The following KMT2A variants were observed in gnomAD, a reference collection of about 807,000 sequenced individuals.
KMT2A encodes lysine methyltransferase 2A, also known as histone-lysine N-methyltransferase 2A.
A neutral mutation model predicts 345.3 loss-of-function variants in KMT2A; 16 were observed. That is an observed-to-expected ratio of 0.05 (90% CI 0.03 to 0.07). The LOEUF is 0.07. KMT2A is among the 10% of genes least tolerant of loss of function. The pLI, the probability that KMT2A is intolerant of heterozygous loss-of-function variation, is 1.00. For synonymous variants in KMT2A, 1,599 were observed against 1,778.6 expected (o/e 0.90, Z 2.54); for missense variants, 3,272 against 4,841.6 (o/e 0.68, Z 9.62).
chr11:118,507,240 T>A (rs528399568), intron 27 of KMT2A, among the ~76,000 whole-genome samples: 1 of 152,138 alleles, frequency 6.6e-6, no homozygotes, highest in East Asian at 1.9e-4. Flanking sequence ...AGAGGCTAAA[T>A]GATCCATGGT....
At chr11:118,509,896 G>A in intron 29 of KMT2A, 52 bp from the exon 30 acceptor site, 1 of 1,345,284 alleles carries the variant, frequency 7.4e-7, no homozygotes, top group Non-Finnish European at 1.0e-6. Context: ...CATGTAGTCA[G>A]TGCTCAGTGA....
chr11:118,454,272 C>T (rs890487815), intron 1 of KMT2A, among the ~76,000 whole-genome samples: 6 of 152,310 alleles, frequency 3.9e-5, no homozygotes, highest in African/African-American at 1.2e-4. Context: ...CAAAGCCACA[C>T]GTAAGCTGGC....
chr11:118,507,247 T>A (rs1167882589), intron 27 of KMT2A, among the ~76,000 whole-genome samples: 1 of 152,120 alleles, frequency 6.6e-6, no homozygotes, highest in Non-Finnish European at 1.5e-5. Flanking sequence ...AAATGATCCA[T>A]GGTCATGTCA....
rs201363598 is a variant in KMT2A at position 118,521,830 on chromosome 11, G to A, written c.11644-67G>A. 149 of 1,518,156 alleles carry A rather than the reference G, an allele frequency of 9.8e-5. No homozygotes were observed. The highest frequency in any genetic ancestry group is 6.6e-4 in the Admixed American group (38 of 57,732). The allele number at this position is 1,518,156 out of a possible 1,614,324, so 94.0% of individuals were successfully genotyped here. A position where few individuals can be genotyped will look rare whatever the true frequency, so the allele number is the denominator to read the frequency against. ...CTATAGGTAACATCAAGAGAAGATT[G>A]GGACATGTTCTTAAAGCTGAGTTTA... is the stretch of plus-strand genomic sequence containing the variant. On this transcript the variant is annotated intron_variant, in intron 35 of 35. Coordinates refer to ENST00000534358, the MANE Select transcript of KMT2A (RefSeq NM_001197104.2). This position sits in a 1 kb window ranked among gnomAD's most constrained non-coding sequence, Gnocchi z 5.3.
rs782078199 is a variant in KMT2A, at chr11:118,504,323, C to T, written c.8431C>T (p.Arg2811Cys). 6.2e-6 allele frequency: 10 copies of T among 1,613,992 alleles called. No individual in the cohort carries two copies. The highest frequency in any genetic ancestry group is 2.2e-5 in the East Asian group (1 of 44,886). Residue 2811 changes from arginine (R) to cysteine (C), a missense_variant, in exon 27 of 36, where the codon CGC becomes TGC. By Grantham distance (180) the Arg-to-Cys change is radical. Transcript: ENST00000534358. The surrounding 1 kb of genome is among the most constrained non-coding windows in gnomAD (Gnocchi z 6.4). ...TCAGCTCAGCTCATTGGAGTCAAGC[C>T]GCAGAGTCCACACAAGTACCCCCTC... ...EAQLSSLESS[R>C]RVHTSTPSDK...
chr11:118,482,282 T>C, intron 7 of KMT2A, 140 bp from the exon 8 acceptor site: 1 of 901,572 alleles, frequency 1.1e-6, no homozygotes, highest in East Asian at 2.7e-5. Flanking sequence ...AAATTGGAGG[T>C]ATTGTTTTAA....
chr11:118,447,970 C>T (rs1292071308), intron 1 of KMT2A: 1 of 175,892 alleles, frequency 5.7e-6, no homozygotes, highest in African/African-American at 2.4e-5. Context: ...TTTAAAAGTA[C>T]AGTCCTGCCT....
chr11:118,481,635 CATATG>C, intron 6 of KMT2A, 75 bp from the exon 7 acceptor site: 1 of 1,450,060 alleles, frequency 6.9e-7, no homozygotes, highest in Non-Finnish European at 9.3e-7. Context: ...ATTGCTGGAT[CATATG>C]GTGGCTCTGT....
rs373165991 is a variant in KMT2A, at chr11:118,497,212, C to A, written c.5665-724C>A. On this transcript the variant is annotated intron_variant, in intron 20 of 35. Transcript: ENST00000534358. The surrounding 1 kb of genome is among the most constrained non-coding windows in gnomAD (Gnocchi z 4.8). The stretch of plus-strand genomic sequence containing the variant: ...AGAGACGGAGTTTCTCCATGTTGGT[C>A]AGGCTGGTCTCAAACTCCCGACCCC... Among the ~76,000 whole-genome samples the A allele has an allele frequency of 6.6e-6, 1 of 152,222 alleles. No individual in the cohort carries two copies. The highest frequency in any genetic ancestry group is 2.4e-5 in the African/African-American group (1 of 41,538).
At chr11:118,507,872 A>T in intron 28 of KMT2A, 1 of 361,478 alleles carries the variant, frequency 2.8e-6, no homozygotes, top group Non-Finnish European at 5.3e-6. Flanking sequence ...CTGAGGCAGG[A>T]GAAGGGCGTG....
At chr11:118,519,077 CAAAAAAAAAAAAAA>C (rs11443977) in intron 31 of KMT2A, among the ~76,000 whole-genome samples, 1 of 66,448 alleles carries the variant, frequency 1.5e-5, no homozygotes, top group African/African-American at 6.3e-5. Flanking sequence ...GACTCCATCT[CAAAAAAAAAAAAAA>C]AAAAAAAAGA....
chr11:118,513,853 C>T (rs1950742593), intron 31 of KMT2A, among the ~76,000 whole-genome samples: 1 of 145,954 alleles, frequency 6.9e-6, no homozygotes, highest in African/African-American at 2.5e-5. Flanking sequence ...GGGAGGAGCG[C>T]ATTGAGCCTG....
chr11:118,455,068 C>G (rs1949615680), intron 1 of KMT2A, among the ~76,000 whole-genome samples: 1 of 152,232 alleles, frequency 6.6e-6, no homozygotes, highest in Non-Finnish European at 1.5e-5. Flanking sequence ...CACTCTGTCA[C>G]CCAGGTTGGA....
At chr11:118,486,261 T>C (rs1284795257) in intron 10 of KMT2A, among the ~76,000 whole-genome samples, 1 of 152,092 alleles carries the variant, frequency 6.6e-6, no homozygotes, top group Non-Finnish European at 1.5e-5. Context: ...CACAATCCCA[T>C]CTTAGTTTGG....
At position 118,505,928 on chromosome 11, in the gene KMT2A, G is replaced by C; in HGVS notation, c.10036G>C (p.Val3346Leu). Residue 3346 changes from valine (V) to leucine (L), a missense_variant, in exon 27 of 36, where the codon GTT becomes CTT. Val to Leu is a conservative substitution (Grantham distance 32). This residue lies in a region of KMT2A where 748 missense variants were observed against 922.2 expected (regional missense o/e 0.81). Transcript: ENST00000534358. This position sits in a 1 kb window ranked among gnomAD's most constrained non-coding sequence, Gnocchi z 4.6. The stretch of plus-strand genomic sequence containing the variant: ...GGCATCCAGTTCCTCTGTCTTGAAT[G>C]TTGTATCCATGCAAACTACCACAAC... ...GLASSSSVLN[V>L]VSMQTTTTPT... 1 of 1,614,172 alleles carries C rather than the reference G, an allele frequency of 6.2e-7. No individual in the cohort carries two copies. The highest frequency in any genetic ancestry group is 8.5e-7 in the Non-Finnish European group (1 of 1,180,046).
At chr11:118,448,524 T>C (rs1949467870) in intron 1 of KMT2A, 1 of 152,166 alleles carries the variant, frequency 6.6e-6, no homozygotes, top group African/African-American at 2.4e-5. Context: ...ATTGGGATTA[T>C]TCATATAGAT....
rs1949945871 is a variant in KMT2A, at chr11:118,471,750, C to T, written c.591C>T (p.Ser197=). The change falls in exon 3 of 36, where the codon TCC becomes TCT. Residue 197 remains serine (S), a synonymous_variant. Coordinates refer to ENST00000534358, the MANE Select transcript of KMT2A (RefSeq NM_001197104.2). ...SAILSDPSVF[S]PLNKSETKSG... ...TCCTCTCAGATCCATCTGTGTTTTC[C>T]CCTCTAAATAAATCAGAGACCAAAT... 6.2e-7 allele frequency: 1 copy of T among 1,613,272 alleles called. No homozygotes were observed.
chr11:118,474,887 G>A (rs1205125438), intron 3 of KMT2A, among the ~76,000 whole-genome samples: 1 of 152,104 alleles, frequency 6.6e-6, no homozygotes, highest in African/African-American at 2.4e-5. Context: ...CACTTTGGGA[G>A]GCCAAGGTGG....
intron 1 of KMT2A, among the ~76,000 whole-genome samples, chr11:118,464,115 G>C (rs540461485): frequency 6.6e-6 from 1 of 152,314 alleles, no homozygotes; most frequent in Admixed American, 6.5e-5. Context: ...GTAGCAGACT[G>C]TCCAGTTTGC....
Sources: allele counts gnomAD v4.1 joint callset (sites outside exome capture counted in the v4.1 genomes callset), GRCh38; gene constraint gnomAD v4.1.1; regional missense constraint gnomAD v4.1.1; non-coding constraint Gnocchi (gnomAD v3.1); transcripts MANE v1.5; gene names NCBI Gene and HGNC (gene_info 2026-07-23, HGNC 2026-07-21).